Variants in NFKB2 observed in about 807,000 individuals in gnomAD.
The protein encoded by NFKB2 is nuclear factor NF-kappa-B p100 subunit.
A neutral mutation model predicts 109.3 loss-of-function variants in NFKB2; 21 were observed. The observed-to-expected ratio is 0.19, with a 90% CI of 0.14 to 0.28. NFKB2 has a LOEUF of 0.28. Among genes scored for constraint, NFKB2 ranks in the 10% least tolerant of loss-of-function variants. The probability of loss-of-function intolerance (pLI) is 1.00; values close to 1 mark genes in which losing one functional copy is unlikely to be tolerated. For missense variants in NFKB2, 806 were observed against 1,185.3 expected (o/e 0.68, Z 4.70); for synonymous variants, 478 against 489.9 (o/e 0.98, Z 0.32).
At position 102,400,893 on chromosome 10, in the gene NFKB2, G is replaced by C. The variant is rs45627832; in HGVS notation, c.1969-54G>C. 9 of 1,583,664 alleles carry C rather than the reference G, an allele frequency of 5.7e-6. No individual in the cohort carries two copies. Among genetic ancestry groups the C allele is most frequent in the Admixed American group, 5.4e-5 (3 of 55,172 alleles). ...AGGGGCCAAAGATGGTGAAGGGGGG[G>C]GCTGGCCAAGGGGACCATGCTGTGG... On this transcript the variant is annotated intron_variant, in intron 17 of 22. Coordinates refer to ENST00000661543, the MANE Select transcript of NFKB2 (RefSeq NM_001322934.2). The surrounding 1 kb of genome is among the most constrained non-coding windows in gnomAD (Gnocchi z 6.3).
chr10:102,397,767 G>A lies in NFKB2; in HGVS notation c.661+82G>A, dbSNP rs2061143198. The A allele has an allele frequency of 1.3e-6, 2 of 1,525,220 alleles. No individual in the cohort carries two copies. The highest frequency in any genetic ancestry group is 1.4e-5 in the African/African-American group (1 of 72,446). The allele number at this position is 1,525,220 out of a possible 1,614,324, so 94.5% of individuals were successfully genotyped here. A position where few individuals can be genotyped will look rare whatever the true frequency, so the allele number is the denominator to read the frequency against. On this transcript the variant is annotated intron_variant, in intron 8 of 22. Coordinates refer to ENST00000661543, the MANE Select transcript of NFKB2 (RefSeq NM_001322934.2). This position sits in a 1 kb window ranked among gnomAD's most constrained non-coding sequence, Gnocchi z 4.7. ...TGACCTCAAGCTGTGCAGTCAAACA[G>A]ACCCAGGTTTCAGAACCTGGCCCTG...
chr10:102,399,089 T>A, intron 12 of NFKB2, 199 bp from the exon 13 acceptor site: 1 of 723,532 alleles, frequency 1.4e-6, no homozygotes, highest in Non-Finnish European at 2.2e-6. Flanking sequence ...GGCAGGCGCC[T>A]GTAATCCCAG....
chr10:102,398,206 T>C lies in NFKB2; in HGVS notation c.767-6T>C, dbSNP rs770095015. On this transcript the variant is annotated splice_polypyrimidine_tract_variant and splice_region_variant and intron_variant, in intron 9 of 22. Transcript: ENST00000661543. The surrounding 1 kb of genome is among the most constrained non-coding windows in gnomAD (Gnocchi z 6.6). ...AGCTGTGGCCAAGCTTCCGTTTTCC[T>C]TGTAGATGACATTGAGGTTCGGTTC... 3.7e-6 allele frequency: 6 copies of C among 1,614,040 alleles called. No homozygotes were observed. The highest frequency in any genetic ancestry group is 2.2e-5 in the East Asian group (1 of 44,896).
At position 102,402,077 on chromosome 10, in the gene NFKB2, G is replaced by A. The variant is rs1372903637; in HGVS notation, c.2496G>A (p.Leu832=). The A allele has an allele frequency of 2.5e-6, 4 of 1,573,010 alleles. No homozygotes were observed. In the Admixed American group the frequency reaches 7.4e-5, roughly 29 times the overall value. Reference sequence around the variant, plus strand: ...CTGGCGGGGACCTGGCAGGTCTACTGGAGGCCCTGTCTGACATGGGCCTAG... The same window carrying A: ...CTGGCGGGGACCTGGCAGGTCTACTAGAGGCCCTGTCTGACATGGGCCTAG... ...ELAGGDLAGL[L]EALSDMGLEE... is the part of the protein sequence containing the mutation. The change falls in exon 22 of 23, where the codon CTG becomes CTA. Residue 832 remains leucine, a synonymous_variant. Coordinates refer to ENST00000661543, the MANE Select transcript of NFKB2 (RefSeq NM_001322934.2).
chr10:102,400,205 G>C lies in NFKB2; in HGVS notation c.1584+11G>C. On this transcript the variant is annotated intron_variant, in intron 15 of 22. Coordinates refer to ENST00000661543, the MANE Select transcript of NFKB2 (RefSeq NM_001322934.2). The surrounding 1 kb of genome is among the most constrained non-coding windows in gnomAD (Gnocchi z 6.3). ...AACCACCTGCACCAGGTGCGGGGGCGCCTACTGGGGAGGTGGGAGGGGTTG... is the reference window on the plus strand; with the variant it reads ...AACCACCTGCACCAGGTGCGGGGGCCCCTACTGGGGAGGTGGGAGGGGTTG... 6.2e-7 allele frequency: 1 copy of C among 1,613,900 alleles called. No homozygotes were observed. Among genetic ancestry groups the C allele is most frequent in the Non-Finnish European group, 8.5e-7 (1 of 1,179,896 alleles).
chr10:102,401,135 T>G lies in NFKB2; in HGVS notation c.2072-45T>G. The G allele has an allele frequency of 6.2e-7, 1 of 1,604,714 alleles. No homozygotes were observed. The highest frequency in any genetic ancestry group is 1.3e-5 in the African/African-American group (1 of 74,844). ...AGTCCCCCGACTTTGCAGTCCTTAA[T>G]GTAGGCCCCCACCATACCGCCCCAT... is the stretch of plus-strand genomic sequence containing the variant. On this transcript the variant is annotated intron_variant, in intron 18 of 22. Transcript: ENST00000661543. This position sits in a 1 kb window ranked among gnomAD's most constrained non-coding sequence, Gnocchi z 4.2.
rs1247010458 is a variant in NFKB2, at chr10:102,399,637, A to G, written c.1388A>G (p.Asp463Gly). 1.3e-6 allele frequency: 2 copies of G among 1,541,680 alleles called. No homozygotes were observed. The highest frequency in any genetic ancestry group is 4.0e-5 in the Admixed American group (2 of 50,004). ...LAQRSARALL[D>G]YGVTADARAL... ...CAGCGCAGCGCCCGAGCCCTACTCGACTACGGCGTCACCGCGGACGCGCGC... is the reference window on the plus strand; with the variant it reads ...CAGCGCAGCGCCCGAGCCCTACTCGGCTACGGCGTCACCGCGGACGCGCGC... The change falls in exon 14 of 23, where the codon GAC (aspartate) becomes GGC (glycine). Residue 463 changes from aspartate (D) to glycine (G), a missense_variant. Around this residue, in one of 10 missense-constraint regions of NFKB2, gnomAD observed 209 missense variants for 211.9 expected, o/e 0.99. Transcript: ENST00000661543.
Position 102,396,150 on chromosome 10 carries a change from C to A in NFKB2, c.22-103C>A. On this transcript the variant is annotated intron_variant, in intron 2 of 22. Transcript: ENST00000661543. The surrounding 1 kb of genome is among the most constrained non-coding windows in gnomAD (Gnocchi z 5.9). ...CTCCAAAAGGAGCTTTCTCTTGGGT[C>A]TGAGGAGGAGGGGGGAGTGACCACT... The A allele has an allele frequency of 6.8e-7, 1 of 1,465,982 alleles. No homozygotes were observed. The highest frequency in any genetic ancestry group is 9.5e-7 in the Non-Finnish European group (1 of 1,057,662). 90.8% of individuals were successfully genotyped at this position (1,465,982 alleles called of 1,614,324 possible).
chr10:102,395,483 C>A (rs1208756019), upstream of NFKB2, among the ~76,000 whole-genome samples: 1 of 152,190 alleles, frequency 6.6e-6, no homozygotes, highest in Non-Finnish European at 1.5e-5. Flanking sequence ...CGTGAAAGAC[C>A]CTCCTGTTCC....
rs1488045310 is a variant in NFKB2, at chr10:102,401,067, G to A, written c.2071+18G>A. The A allele has an allele frequency of 6.2e-7, 1 of 1,613,986 alleles. No homozygotes were observed. Among genetic ancestry groups the A allele is most frequent in the East Asian group, 2.2e-5 (1 of 44,864 alleles). ...GAAGGCTGGTCAGTCTCACCCTCAG[G>A]GGCACTTGAACAGGGTGGGGGGAAG... On this transcript the variant is annotated intron_variant, in intron 18 of 22. Coordinates refer to ENST00000661543, the MANE Select transcript of NFKB2 (RefSeq NM_001322934.2). The surrounding 1 kb of genome is among the most constrained non-coding windows in gnomAD (Gnocchi z 4.2).
chr10:102,394,864 G>C (rs1203589329), upstream of NFKB2: 1 of 152,306 alleles, frequency 6.6e-6, no homozygotes, highest in African/African-American at 2.4e-5. Flanking sequence ...CGTGCCCACC[G>C]GTGCACTGGT....
rs1461595391 is a variant in NFKB2, at chr10:102,401,232, C to T, written c.2124C>T (p.Pro708=). ...NEEPLCPLPS[P]PTSDSDSDSE... is the part of the protein sequence containing the mutation. The stretch of plus-strand genomic sequence containing the variant: ...AGCCCCTGTGCCCACTGCCTTCACC[C>T]CCTACCTCTGATAGCGACTCGGACT... Residue 708 remains proline, a synonymous_variant, in exon 19 of 23, where the codon CCC becomes CCT. Transcript: ENST00000661543. The surrounding 1 kb of genome is among the most constrained non-coding windows in gnomAD (Gnocchi z 4.2). 6.2e-7 allele frequency: 1 copy of T among 1,611,086 alleles called. No homozygotes were observed. The highest frequency in any genetic ancestry group is 1.3e-5 in the African/African-American group (1 of 74,856).
rs746075690 is a variant in NFKB2 at position 102,398,199 on chromosome 10, G to A, written c.767-13G>A. On this transcript the variant is annotated splice_polypyrimidine_tract_variant and intron_variant, in intron 9 of 22. Transcript: ENST00000661543. The surrounding 1 kb of genome is among the most constrained non-coding windows in gnomAD (Gnocchi z 6.6). ...CACCGGGAGCTGTGGCCAAGCTTCC[G>A]TTTTCCTTGTAGATGACATTGAGGT... The A allele has an allele frequency of 8.8e-5, 142 of 1,613,984 alleles. No homozygotes were observed. Among genetic ancestry groups the A allele is most frequent in the South Asian group, 6.9e-4 (63 of 91,066 alleles).
chr10:102,399,791 T>C, intron 14 of NFKB2, 73 bp downstream of exon 14: 2 of 1,433,516 alleles, frequency 1.4e-6, no homozygotes, highest in Non-Finnish European at 9.1e-7. Flanking sequence ...AGGCGGGCTC[T>C]GCAGTTTTCG....
Position 102,397,828 on chromosome 10 carries a change from T to TC in NFKB2, c.662-146dup, listed in dbSNP as rs908902137. On this transcript the variant is annotated intron_variant, in intron 8 of 22. Transcript: ENST00000661543. This position sits in a 1 kb window ranked among gnomAD's most constrained non-coding sequence, Gnocchi z 4.7. The stretch of plus-strand genomic sequence containing the variant: ...GCTGAGTGATCCTGAGCAAGTCATT[T>TC]CCCCCCCGAAGCTTCTGTCTTTAGT... The TC allele has an allele frequency of 9.9e-5, 127 of 1,277,044 alleles. 1 individual carries two copies. The highest frequency in any genetic ancestry group is 5.2e-4 in the South Asian group (38 of 73,098). The allele number at this position is 1,277,044 out of a possible 1,614,324, so 79.1% of individuals were successfully genotyped here.
chr10:102,400,247 C>G lies in NFKB2; in HGVS notation c.1585-31C>G. 8 of 1,613,888 alleles carry G rather than the reference C, an allele frequency of 5.0e-6. No homozygotes were observed. The African/African-American group carries it at 6.7e-5, about 13-fold the overall frequency. ...GAGGGGTTGGAAGGCAAGTGGGTCT[C>G]GGGCCTGGCTCACCCTGCTTTCATC... On this transcript the variant is annotated intron_variant, in intron 15 of 22. Transcript: ENST00000661543. This position sits in a 1 kb window ranked among gnomAD's most constrained non-coding sequence, Gnocchi z 6.3.
upstream of NFKB2, chr10:102,394,409 G>C (rs2061062170): frequency 6.6e-6 from 1 of 152,532 alleles, no homozygotes; most frequent in Non-Finnish European, 1.5e-5. Context: ...GGCTGCGCCA[G>C]TCCAGAGTTA....
At chr10:102,395,841 C>CCCCCCTCT in intron 1 of NFKB2, 45 bp downstream of exon 1, 1 of 585,080 alleles carries the variant, frequency 1.7e-6, no homozygotes, top group South Asian at 2.3e-5. Context: ...CCGCCCACCC[C>CCCCCCTCT]CATTTAGATC....
Position 102,396,071 on chromosome 10 carries a change from T to C in NFKB2, c.21+91T>C, listed in dbSNP as rs2061104852. ...AGCCCCCTCTGCTGCCTTACACCTG[T>C]ATGCTCGCAGATGCTCTCAGCCTGC... is the stretch of plus-strand genomic sequence containing the variant. On this transcript the variant is annotated intron_variant, in intron 2 of 22. Transcript: ENST00000661543. The surrounding 1 kb of genome is among the most constrained non-coding windows in gnomAD (Gnocchi z 5.9). The C allele has an allele frequency of 6.4e-7, 1 of 1,552,228 alleles. No homozygotes were observed. The highest frequency in any genetic ancestry group is 1.4e-5 in the African/African-American group (1 of 73,888).
Sources: allele counts gnomAD v4.1 joint callset (sites outside exome capture counted in the v4.1 genomes callset), GRCh38; gene constraint gnomAD v4.1.1; regional missense constraint gnomAD v4.1.1; non-coding constraint Gnocchi (gnomAD v3.1); transcripts MANE v1.5; gene names NCBI Gene and HGNC (gene_info 2026-07-23, HGNC 2026-07-21).